Variants in RBFOX1 observed in about 807,000 individuals in gnomAD.
RBFOX1 encodes RNA binding protein fox-1 homolog 1.
In RBFOX1, 8 loss-of-function variants were observed where a neutral mutation model predicts 57.7. That is an observed-to-expected ratio of 0.14 (90% CI 0.08 to 0.25). The LOEUF (loss-of-function observed/expected upper bound fraction) is 0.25, where lower values mean the gene tolerates loss of function less well. Ranked by LOEUF, RBFOX1 falls within the 10% of genes least tolerant of loss-of-function variation. The pLI is 1.00. For synonymous variants in RBFOX1, 326 were observed against 222.4 expected (o/e 1.47, Z -4.15); for missense variants, 611 against 548.5 (o/e 1.11, Z -1.14).
chr16:7,610,118 CTTTTTT>C (rs34468596), intron 10 of RBFOX1, among the ~76,000 whole-genome samples: 2 of 65,614 alleles, frequency 3.0e-5, no homozygotes, highest in South Asian at 6.3e-4. Flanking sequence ...GCCCGGCCCC[CTTTTTT>C]TTTTTTTTTT....
intron 1 of RBFOX1, among the ~76,000 whole-genome samples, chr16:6,246,767 C>T (rs2097571329): frequency 6.6e-6 from 1 of 152,162 alleles, no homozygotes; most frequent in South Asian, 2.1e-4. Flanking sequence ...ATCTTGTTTC[C>T]TAAACTCCAG....
intron 4 of RBFOX1, among the ~76,000 whole-genome samples, chr16:7,493,149 G>C (rs766128204): frequency 2.0e-5 from 3 of 152,222 alleles, no homozygotes; most frequent in Non-Finnish European, 2.9e-5. Context: ...AAAGTGCTGG[G>C]ATTACAGGCG....
chr16:7,696,949 G>A (rs1027495702), intron 14 of RBFOX1, among the ~76,000 whole-genome samples: 1 of 152,136 alleles, frequency 6.6e-6, no homozygotes, highest in African/African-American at 2.4e-5. Context: ...GTGGCCCACG[G>A]ATATGAGTAC....
intron 3 of RBFOX1, among the ~76,000 whole-genome samples, chr16:6,689,932 C>T (rs10492841): frequency 0.47 from 71,474 of 152,028 alleles, 19,810 homozygotes; most frequent in Non-Finnish European, 0.6. Context: ...GAATCAGCAA[C>T]GAAGAGGTGT....
chr16:6,350,188 G>T (rs1037543888), intron 2 of RBFOX1, among the ~76,000 whole-genome samples: 1 of 151,968 alleles, frequency 6.6e-6, no homozygotes, highest in South Asian at 2.1e-4. Context: ...TGTAATCCCA[G>T]CTCTTTAGGA....
Position 6,869,675 on chromosome 16 carries a change from C to G in RBFOX1, c.-15-182382C>G, listed in dbSNP as rs1385790619. Among the ~76,000 whole-genome samples, 3 of 152,172 alleles carry G rather than the reference C, an allele frequency of 2.0e-5. 1 individual carries two copies. Among genetic ancestry groups the G allele is most frequent in the Non-Finnish European group, 4.4e-5 (3 of 68,026 alleles). On this transcript the variant is annotated intron_variant, in intron 3 of 15. Transcript: ENST00000550418. ...ACTAGGATTTTTACCCTTCTCAAAA[C>G]AAATTCTAGGACACACATTCATGCA...
intron 3 of RBFOX1, among the ~76,000 whole-genome samples, chr16:5,694,252 A>G (rs1256940208): frequency 1.3e-5 from 2 of 152,130 alleles, no homozygotes; most frequent in Non-Finnish European, 2.9e-5. Context: ...ACCAGCCTCA[A>G]TTTCCAAGAC....
At position 7,286,055 on chromosome 16, in the gene RBFOX1, G is replaced by A. The variant is rs549114413; in HGVS notation, c.28-232092G>A. On this transcript the variant is annotated intron_variant, in intron 4 of 15. Transcript: ENST00000550418. ...CTTTAATCAGCATACTGGGAACACT[G>A]TACAATTCTTAGAACATAATTTACC... Among the ~76,000 whole-genome samples, 29 of 152,194 alleles carry A rather than the reference G, an allele frequency of 1.9e-4. No individual in the cohort carries two copies. The East Asian group carries it at 5.0e-3, about 26-fold the overall frequency.
chr16:6,321,502 A>G (rs2081785760), intron 2 of RBFOX1, among the ~76,000 whole-genome samples: 1 of 152,190 alleles, frequency 6.6e-6, no homozygotes, highest in Non-Finnish European at 1.5e-5. Context: ...ATCCAGAACT[A>G]AAGGTTTAAT....
chr16:7,703,782 TAAGTTC>T (rs905336395), intron 14 of RBFOX1, among the ~76,000 whole-genome samples: 2 of 152,216 alleles, frequency 1.3e-5, no homozygotes, highest in African/African-American at 4.8e-5. Context: ...AACACAACCT[TAAGTTC>T]AAGTAAGTAT....
At chr16:7,570,167 T>C (rs903161022) in intron 5 of RBFOX1, among the ~76,000 whole-genome samples, 1 of 147,234 alleles carries the variant, frequency 6.8e-6, no homozygotes, top group Non-Finnish European at 1.5e-5. Context: ...ATTTTACTTT[T>C]TTTTTTTTTT....
intron 3 of RBFOX1, among the ~76,000 whole-genome samples, chr16:7,030,071 TA>T (rs57394662): frequency 0.072 from 10,897 of 152,126 alleles, 685 homozygotes; most frequent in East Asian, 0.32. Flanking sequence ...TGTGGGAAAG[TA>T]AAACATTATT....
At chr16:7,553,913 C>T (rs1361341772) in intron 5 of RBFOX1, among the ~76,000 whole-genome samples, 1 of 152,162 alleles carries the variant, frequency 6.6e-6, no homozygotes, top group Non-Finnish European at 1.5e-5. Flanking sequence ...TGCTTAAAAG[C>T]CATTAGTGTA....
intron 10 of RBFOX1, among the ~76,000 whole-genome samples, chr16:7,617,420 G>A (rs537110803): frequency 2.0e-5 from 3 of 152,212 alleles, no homozygotes; most frequent in Admixed American, 6.5e-5. Context: ...TTAGTTTATG[G>A]CCCGTACAAA....
rs1240682051 is a variant in RBFOX1, at chr16:6,457,437, G to GCCCC, written c.-64+140380_-64+140381insCCCC. Among the ~76,000 whole-genome samples the GCCCC allele has an allele frequency of 1.9e-3, 68 of 36,186 alleles. 1 individual carries two copies. The highest frequency in any genetic ancestry group is 0.02 in the Middle Eastern group (1 of 50). The allele number at this position is 36,186 out of a possible 152,430, so 23.7% of individuals were successfully genotyped here. A position where few individuals can be genotyped will look rare whatever the true frequency, so the allele number is the denominator to read the frequency against. On this transcript the variant is annotated intron_variant, in intron 2 of 15. Transcript: ENST00000550418. ...TTCTGGTGACTGTGAATTTCCGGAAGTCCCCCCCCCCGCAATAGCTTTGAT... is the reference window on the plus strand; with the variant it reads ...TTCTGGTGACTGTGAATTTCCGGAAGCCCCTCCCCCCCCCCGCAATAGCTTTGAT...
chr16:5,563,364 A>T (rs1262713316), intron 2 of RBFOX1, among the ~76,000 whole-genome samples: 1 of 152,248 alleles, frequency 6.6e-6, no homozygotes, highest in Admixed American at 6.5e-5. Flanking sequence ...ATATAAAGCG[A>T]AGGAGTCACA....
chr16:6,217,144 G>A (rs1184401114), intron 1 of RBFOX1, among the ~76,000 whole-genome samples: 1 of 148,988 alleles, frequency 6.7e-6, no homozygotes, highest in Non-Finnish European at 1.5e-5. Flanking sequence ...GTGTATGAGG[G>A]TAGCCTCGTG....
In RBFOX1 at chr16:5,897,016, C is replaced by CTTTTTTTTTTTTTTTTTTTTTTT. The variant is rs575235024; in HGVS notation, c.351+29689_351+29711dup. ...CCCCCACTAAAAATGTATCCATCCG[C>CTTTTTTTTTTTTTTTTTTTTTTT]TTTTTTTTTTTTTTTTTTTTTTTTT... On this transcript the variant is annotated intron_variant, in intron 4 of 19. Transcript: ENST00000641259. 4.4e-4 allele frequency among the ~76,000 whole-genome samples: 25 copies of CTTTTTTTTTTTTTTTTTTTTTTT among 56,468 alleles called. 7 individuals are homozygous for CTTTTTTTTTTTTTTTTTTTTTTT. Among genetic ancestry groups the CTTTTTTTTTTTTTTTTTTTTTTT allele is most frequent in the East Asian group, 1.3e-3 (2 of 1,506 alleles). The allele number at this position is 56,468 out of a possible 152,430, so 37.0% of individuals were successfully genotyped here.
chr16:6,141,024 C>G (rs538614616), intron 1 of RBFOX1, among the ~76,000 whole-genome samples: 1 of 152,164 alleles, frequency 6.6e-6, no homozygotes, highest in African/African-American at 2.4e-5. Context: ...TCTGCCCTCC[C>G]ACATTGTTGT....
Sources: allele counts gnomAD v4.1 joint callset (sites outside exome capture counted in the v4.1 genomes callset), GRCh38; gene constraint gnomAD v4.1.1; transcripts MANE v1.5; gene names NCBI Gene and HGNC (gene_info 2026-07-23, HGNC 2026-07-21).